SPATA7: variants seen among roughly 807,000 people sequenced by gnomAD.
SPATA7 encodes spermatogenesis-associated protein 7.
In SPATA7, 43 loss-of-function variants were observed where a neutral mutation model predicts 51.8. The ratio of observed to expected loss-of-function variants is 0.83; its 90% CI spans 0.65 to 1.07. The LOEUF (loss-of-function observed/expected upper bound fraction) is 1.07. SPATA7 is among the 50% of genes least tolerant of loss of function. The pLI is 0.00. For missense variants in SPATA7, 683 were observed against 701.3 expected (o/e 0.97, Z 0.30); for synonymous variants, 230 against 252.8 (o/e 0.91, Z 0.86).
intron 1 of SPATA7, among the ~76,000 whole-genome samples, chr14:88,387,941 AT>A (rs2075627530): frequency 6.6e-6 from 1 of 152,002 alleles, no homozygotes; most frequent in Admixed American, 6.6e-5. Flanking sequence ...TTGAAAAAAA[AT>A]TTTTTCCCAG....
intron 4 of SPATA7, among the ~76,000 whole-genome samples, chr14:88,461,009 G>A (rs1201222884): frequency 6.6e-6 from 1 of 152,224 alleles, no homozygotes; most frequent in Admixed American, 6.5e-5. Flanking sequence ...CAGCAGCAGA[G>A]GCTGCAGAAC....
At chr14:88,429,090 A>G in intron 7 of SPATA7, 1 of 267,504 alleles carries the variant, frequency 3.7e-6, no homozygotes, top group Admixed American at 4.9e-5. Flanking sequence ...TTTTCCCTTT[A>G]TATGTTTATT....
Position 88,437,664 on chromosome 14 carries a change from T to C in SPATA7, c.1215+67T>C, listed in dbSNP as rs1284787821. 1.6e-5 allele frequency: 23 copies of C among 1,435,692 alleles called. No homozygotes were observed. The East Asian group carries it at 5.0e-4, about 31-fold the overall frequency. The allele number at this position is 1,435,692 out of a possible 1,614,324, so 88.9% of individuals were successfully genotyped here. On this transcript the variant is annotated intron_variant, in intron 11 of 11. Coordinates refer to ENST00000393545, the MANE Select transcript of SPATA7 (RefSeq NM_018418.5). The stretch of plus-strand genomic sequence containing the variant: ...AAAAATAATTGTATGGTTTTTTTCA[T>C]ACCTTCAAACAATACATTAAAAGCA...
intron 10 of SPATA7, among the ~76,000 whole-genome samples, chr14:88,437,078 T>A (rs1247852610): frequency 6.6e-6 from 1 of 151,994 alleles, no homozygotes; most frequent in Non-Finnish European, 1.5e-5. Context: ...TTTTCCTTTT[T>A]TTTTTTTGGT....
intron 4 of SPATA7, chr14:88,467,260 C>A (rs937472829): frequency 6.6e-6 from 1 of 152,216 alleles, no homozygotes; most frequent in Non-Finnish European, 1.5e-5. Context: ...TATATTAAAA[C>A]TCAGATTTGT....
intron 4 of SPATA7, among the ~76,000 whole-genome samples, chr14:88,404,019 TTGTC>T (rs33912576): frequency 0.012 from 1,758 of 152,310 alleles, 37 homozygotes; most frequent in African/African-American, 0.04. Context: ...CATATACAGT[TTGTC>T]TGCTATACCT....
intron 2 of SPATA7, among the ~76,000 whole-genome samples, 186 bp from the exon 3 acceptor site, chr14:88,393,207 A>G (rs368246495): frequency 1.3e-5 from 2 of 152,146 alleles, no homozygotes; most frequent in East Asian, 1.9e-4. Context: ...GTTTGAACCC[A>G]AATGGTCAAT....
intron 4 of SPATA7, among the ~76,000 whole-genome samples, chr14:88,407,205 AT>A (rs1311671656): frequency 6.6e-6 from 1 of 152,162 alleles, no homozygotes; most frequent in African/African-American, 2.4e-5. Context: ...GTCTTCCACA[AT>A]GGTTGAACTA....
At chr14:88,455,651 C>T (rs547715187), downstream of SPATA7, among the ~76,000 whole-genome samples, 1 of 151,968 alleles carries the variant, frequency 6.6e-6, no homozygotes, top group South Asian at 2.1e-4. Context: ...ATTGATCAGA[C>T]AGTAGCACAT....
At chr14:88,410,163 T>C (rs536167529) in intron 4 of SPATA7, among the ~76,000 whole-genome samples, 1 of 152,286 alleles carries the variant, frequency 6.6e-6, no homozygotes, top group East Asian at 1.9e-4. Flanking sequence ...TTCTGTCTTG[T>C]TGATCTCTTT....
Position 88,468,386 on chromosome 14 carries a change from A to G in SPATA7, c.255-1461A>G, listed in dbSNP as rs192382829. The G allele has an allele frequency of 1.6e-4, 156 of 957,038 alleles. No homozygotes were observed. In the East Asian group the frequency reaches 3.0e-3, roughly 18 times the overall value. 59.3% of individuals were successfully genotyped at this position (957,038 alleles called of 1,614,324 possible). ...AGATGGACAGTCTCTTTTCCACCTTAGCGTCTTCTAGAAATAAGCCATGAT... is the reference window on the plus strand; with the variant it reads ...AGATGGACAGTCTCTTTTCCACCTTGGCGTCTTCTAGAAATAAGCCATGAT... On this transcript the variant is annotated intron_variant, in intron 4 of 4. Transcript: ENST00000556406.
intron 3 of SPATA7, among the ~76,000 whole-genome samples, chr14:88,447,074 G>C (rs1222778142): frequency 6.6e-6 from 1 of 151,680 alleles, no homozygotes; most frequent in Admixed American, 6.6e-5. Context: ...GTCTAATGTT[G>C]ACAGTGGGGT....
At chr14:88,454,815 A>G (rs568914501) in intron 3 of SPATA7, among the ~76,000 whole-genome samples, 1 of 152,206 alleles carries the variant, frequency 6.6e-6, no homozygotes, top group East Asian at 1.9e-4. Flanking sequence ...CTCAAAAAGA[A>G]AAAAAAAGAA....
chr14:88,429,953 T>C (rs1359492019), intron 8 of SPATA7, among the ~76,000 whole-genome samples: 1 of 151,796 alleles, frequency 6.6e-6, no homozygotes, highest in East Asian at 1.9e-4. Flanking sequence ...TTGTCCAGGC[T>C]GGAGTGCAGT....
At chr14:88,441,094 T>C (rs952190686), downstream of SPATA7, among the ~76,000 whole-genome samples, 3 of 152,208 alleles carry the variant, frequency 2.0e-5, no homozygotes, top group African/African-American at 7.2e-5. Context: ...TTTCCATTCC[T>C]GAGTTACTTC....
At position 88,438,402 on chromosome 14, in the gene SPATA7, G is replaced by A. The variant is rs753602324; in HGVS notation, c.1780G>A (p.Asp594Asn). 1.9e-6 allele frequency: 3 copies of A among 1,613,580 alleles called. No individual in the cohort carries two copies. The highest frequency in any genetic ancestry group is 2.5e-6 in the Non-Finnish European group (3 of 1,179,598). Residue 594 changes from aspartate (D) to asparagine (N), a missense_variant, in exon 12 of 12, where the codon GAC (aspartate) becomes AAC (asparagine). Transcript: ENST00000393545. ...TLKIMEMSIE[D>N]CPLDV The stretch of plus-strand genomic sequence containing the variant: ...TAAAATCATGGAAATGAGCATTGAG[G>A]ACTGCCCTTTGGATGTTTAATCTTC...
At chr14:88,425,117 T>TA (rs1176110477) in intron 5 of SPATA7, among the ~76,000 whole-genome samples, 2 of 152,202 alleles carry the variant, frequency 1.3e-5, no homozygotes, top group African/African-American at 2.4e-5. Flanking sequence ...GCAGTGTTTT[T>TA]ATCTACAAAA....
chr14:88,417,644 T>A (rs1486000697), intron 5 of SPATA7, among the ~76,000 whole-genome samples: 1 of 152,186 alleles, frequency 6.6e-6, no homozygotes, highest in Non-Finnish European at 1.5e-5. Context: ...TACAAACAAT[T>A]GACTTTAATG....
intron 5 of SPATA7, among the ~76,000 whole-genome samples, chr14:88,418,233 TTC>T (rs986421534): frequency 2.0e-5 from 3 of 152,108 alleles, no homozygotes; most frequent in Admixed American, 2.0e-4. Context: ...GTATTTTGTT[TTC>T]TGTTTTGTTA....
Sources: allele counts gnomAD v4.1 joint callset (sites outside exome capture counted in the v4.1 genomes callset), GRCh38; gene constraint gnomAD v4.1.1; transcripts MANE v1.5; gene names NCBI Gene and HGNC (gene_info 2026-07-23, HGNC 2026-07-21).